The following EXOC6B variants were observed in gnomAD, a reference collection of about 807,000 sequenced individuals.
The protein encoded by EXOC6B is SEC15 homolog B.
In EXOC6B, 54 loss-of-function variants were observed where a neutral mutation model predicts 113.5. That is an observed-to-expected ratio of 0.48 (90% CI 0.38 to 0.60). EXOC6B has a LOEUF of 0.60. Ranked by LOEUF, EXOC6B falls within the 20% of genes least tolerant of loss-of-function variation. The pLI, the probability that EXOC6B is intolerant of heterozygous loss-of-function variation, is 0.00. For missense variants in EXOC6B, 797 were observed against 977.5 expected, an observed-to-expected ratio of 0.82 and a Z score of 2.46; for synonymous variants, 357 against 339.0, an observed-to-expected ratio of 1.05 and a Z score of -0.58.
At chr2:72,418,250 C>G (rs1217488399) in intron 18 of EXOC6B, among the ~76,000 whole-genome samples, 5 of 152,108 alleles carry the variant, frequency 3.3e-5, no homozygotes, top group Admixed American at 3.3e-4. Context: ...TTCATATTCT[C>G]GTACAAACAT....
At position 72,335,037 on chromosome 2, in the gene EXOC6B, A is replaced by G. The variant is rs1352789652; in HGVS notation, c.2123-17T>C. The G allele has an allele frequency of 3.1e-6, 5 of 1,612,360 alleles. No individual in the cohort carries two copies. The South Asian group carries it at 3.3e-5, about 11-fold the overall frequency. On this transcript the variant is annotated splice_polypyrimidine_tract_variant and intron_variant, in intron 19 of 21. Transcript: ENST00000272427. ...TGGCAAACTCTGTGGGAAAGAAAAGAGGATAAAAAGCGCCTTTAACTAACC... is the reference window on the plus strand; with the variant it reads ...TGGCAAACTCTGTGGGAAAGAAAAGGGGATAAAAAGCGCCTTTAACTAACC...
At chr2:72,709,266 G>A (rs1679108556) in intron 6 of EXOC6B, among the ~76,000 whole-genome samples, 1 of 151,934 alleles carries the variant, frequency 6.6e-6, no homozygotes, top group Admixed American at 6.6e-5. Context: ...TTTTGATGGG[G>A]TTTTCACGCC....
At chr2:72,187,746 A>T (rs1322950505) in intron 20 of EXOC6B, among the ~76,000 whole-genome samples, 2 of 151,782 alleles carry the variant, frequency 1.3e-5, no homozygotes, top group Non-Finnish European at 2.9e-5. Context: ...CCAAGTCCCT[A>T]CTCTGGTCCG....
chr2:72,756,319 T>C (rs539843472), intron 1 of EXOC6B, among the ~76,000 whole-genome samples: 1 of 152,264 alleles, frequency 6.6e-6, no homozygotes, highest in African/African-American at 2.4e-5. Context: ...ATTAAATGAT[T>C]ATCATAGATG....
intron 20 of EXOC6B, among the ~76,000 whole-genome samples, chr2:72,248,042 A>T (rs1325309117): frequency 6.6e-6 from 1 of 152,158 alleles, no homozygotes; most frequent in African/African-American, 2.4e-5. Flanking sequence ...TGATTCTGTC[A>T]AGGTTATGCT....
intron 18 of EXOC6B, among the ~76,000 whole-genome samples, chr2:72,450,286 A>C (rs138606635): frequency 2.6e-4 from 39 of 152,320 alleles, no homozygotes; most frequent in African/African-American, 8.7e-4. Context: ...ACTTTGTCGG[A>C]GTGCTTCCCA....
intron 7 of EXOC6B, among the ~76,000 whole-genome samples, chr2:72,564,352 A>C (rs1180383609): frequency 6.6e-6 from 1 of 152,214 alleles, no homozygotes; most frequent in African/African-American, 2.4e-5. Flanking sequence ...TCATCCAAAA[A>C]GAGTTTGACA....
chr2:72,724,984 G>T (rs554535815), intron 5 of EXOC6B, among the ~76,000 whole-genome samples: 4 of 152,212 alleles, frequency 2.6e-5, no homozygotes, highest in Admixed American at 6.5e-5. Flanking sequence ...AAATGGTGAT[G>T]GGAAAAGGAC....
chr2:72,735,682 G>A (rs1342029194), intron 2 of EXOC6B, among the ~76,000 whole-genome samples: 1 of 151,772 alleles, frequency 6.6e-6, no homozygotes, highest in East Asian at 1.9e-4. Flanking sequence ...TGGGCATGGT[G>A]GTGCATGCCT....
intron 6 of EXOC6B, among the ~76,000 whole-genome samples, chr2:72,686,926 C>G (rs974183840): frequency 4.1e-4 from 62 of 152,196 alleles, no homozygotes; most frequent in African/African-American, 1.4e-3. Context: ...ATCACGAGGT[C>G]AGGAGATGGA....
intron 6 of EXOC6B, among the ~76,000 whole-genome samples, chr2:72,673,634 T>G (rs1676069329): frequency 6.6e-6 from 1 of 152,122 alleles, no homozygotes; most frequent in Non-Finnish European, 1.5e-5. Context: ...GACCCATGTG[T>G]GTTTAAAGGG....
intron 15 of EXOC6B, among the ~76,000 whole-genome samples, 158 bp downstream of exon 15, chr2:72,495,272 C>T (rs1262851866): frequency 1.3e-5 from 2 of 152,078 alleles, no homozygotes; most frequent in African/African-American, 2.4e-5. Context: ...TCTCTTTCAT[C>T]GTGACTATAG....
intron 20 of EXOC6B, among the ~76,000 whole-genome samples, chr2:72,188,566 A>G (rs1320180815): frequency 6.6e-6 from 1 of 152,132 alleles, no homozygotes; most frequent in African/African-American, 2.4e-5. Flanking sequence ...GATTCCATAA[A>G]ACAGTGTTAG....
rs147814205 is a variant in EXOC6B at position 72,435,235 on chromosome 2, C to T, written c.1980+29925G>A. On this transcript the variant is annotated intron_variant, in intron 18 of 21. Transcript: ENST00000272427. ...GTTGTTTTGAGTGAGTTTCTTAATC[C>T]TGAGTTCTAATTTGATTGTGCTATG... Among the ~76,000 whole-genome samples the T allele has an allele frequency of 4.2e-3, 642 of 152,180 alleles. 5 individuals are homozygous for T. Among genetic ancestry groups the T allele is most frequent in the African/African-American group, 0.014 (583 of 41,524 alleles).
intron 18 of EXOC6B, among the ~76,000 whole-genome samples, chr2:72,381,008 G>A (rs919577953): frequency 2.0e-4 from 30 of 152,050 alleles, no homozygotes; most frequent in African/African-American, 5.3e-4. Context: ...AATACTTAAC[G>A]TATCCCCTAA....
intron 16 of EXOC6B, among the ~76,000 whole-genome samples, chr2:72,491,312 G>T (rs1171683162): frequency 1.3e-5 from 2 of 151,892 alleles, no homozygotes; most frequent in East Asian, 1.9e-4. Flanking sequence ...TTAATTCAGA[G>T]AAAGAGAAAA....
intron 1 of EXOC6B, among the ~76,000 whole-genome samples, chr2:72,742,600 G>A (rs1681398680): frequency 6.6e-6 from 1 of 152,058 alleles, no homozygotes; most frequent in South Asian, 2.1e-4. Flanking sequence ...ATTTGATATG[G>A]TTTTATATTC....
At chr2:72,226,206 G>A (rs1681226544) in intron 20 of EXOC6B, among the ~76,000 whole-genome samples, 1 of 152,130 alleles carries the variant, frequency 6.6e-6, no homozygotes, top group Admixed American at 6.5e-5. Flanking sequence ...ATCCTCAACT[G>A]GGTCTTAAAA....
intron 1 of EXOC6B, among the ~76,000 whole-genome samples, chr2:72,743,897 T>C (rs1383881995): frequency 6.6e-6 from 1 of 152,124 alleles, no homozygotes; most frequent in Non-Finnish European, 1.5e-5. Context: ...GCAGTAGCCA[T>C]AGATGAAAGG....
Sources: allele counts gnomAD v4.1 joint callset (sites outside exome capture counted in the v4.1 genomes callset), GRCh38; gene constraint gnomAD v4.1.1; transcripts MANE v1.5; gene names NCBI Gene and HGNC (gene_info 2026-07-23, HGNC 2026-07-21).